NRXN1: variants seen among roughly 807,000 people sequenced by gnomAD.
NRXN1 encodes neurexin 1, also known as neurexin-1.
NRXN1 carries 39 observed loss-of-function variants against 150.9 expected under a neutral mutation model. That is an observed-to-expected ratio of 0.26 (90% confidence interval 0.20 to 0.34). The LOEUF is 0.34. Ranked by LOEUF, NRXN1 falls within the 10% of genes least tolerant of loss-of-function variation. The probability of loss-of-function intolerance (pLI) is 1.00; values close to 1 mark genes in which losing one functional copy is unlikely to be tolerated. For missense variants in NRXN1, 1,815 were observed against 1,949.9 expected (o/e 0.93, Z 1.30); for synonymous variants, 924 against 757.0 (o/e 1.22, Z -3.62).
rs772333323 is a variant in NRXN1 at position 51,027,716 on chromosome 2, G to C, written c.558C>G (p.Asp186Glu). 1.2e-5 allele frequency: 19 copies of C among 1,609,348 alleles called. No homozygotes were observed. The African/African-American group carries it at 2.5e-4, about 22-fold the overall frequency. ...GGACCTGCGAGGAGTTGACCCTCAC[G>C]TCACGAATCCACCCCTTGAAGGGCT... ...EREPFKGWIR[D>E]VRVNSSQVLP... Residue 186 changes from aspartate to glutamate, a missense_variant, in exon 2 of 23, where the codon GAC becomes GAG. By Grantham distance (45) the Asp-to-Glu change is conservative. Coordinates refer to ENST00000401669, the MANE Select transcript of NRXN1 (RefSeq NM_001330078.2).
chr2:50,493,770 G>A (rs1229660014), intron 15 of NRXN1, among the ~76,000 whole-genome samples: 1 of 152,182 alleles, frequency 6.6e-6, no homozygotes, highest in African/African-American at 2.4e-5. Context: ...TTTCTGCAAT[G>A]CAGAAGGTAT....
chr2:50,032,257 T>A (rs769427264), intron 21 of NRXN1, among the ~76,000 whole-genome samples: 3 of 152,044 alleles, frequency 2.0e-5, no homozygotes, highest in Non-Finnish European at 4.4e-5. Flanking sequence ...ATTCCCTACA[T>A]AAACTAGAAC....
chr2:50,012,195 T>G (rs1405504996), intron 21 of NRXN1, among the ~76,000 whole-genome samples: 1 of 152,110 alleles, frequency 6.6e-6, no homozygotes, highest in African/African-American at 2.4e-5. Context: ...AAACCATCCA[T>G]GTCTTGATCA....
intron 17 of NRXN1, among the ~76,000 whole-genome samples, chr2:50,365,317 A>G (rs1572694216): frequency 1.3e-5 from 2 of 152,192 alleles, no homozygotes; most frequent in South Asian, 2.1e-4. Flanking sequence ...CTGAAATGTC[A>G]TGTGAAAATC....
At chr2:50,622,378 G>A (rs547969987) in intron 6 of NRXN1, among the ~76,000 whole-genome samples, 156 of 152,216 alleles carry the variant, frequency 1.0e-3, no homozygotes, top group South Asian at 2.7e-3. Context: ...GAGACAATCC[G>A]GTCATTCTGC....
At chr2:50,541,412 G>C (rs1027386025) in intron 9 of NRXN1, among the ~76,000 whole-genome samples, 2 of 152,188 alleles carry the variant, frequency 1.3e-5, no homozygotes, top group African/African-American at 4.8e-5. Flanking sequence ...CTCACTCTAA[G>C]GGGCAAAACG....
chr2:50,665,978 C>T (rs538954767), intron 5 of NRXN1, among the ~76,000 whole-genome samples: 1 of 151,890 alleles, frequency 6.6e-6, no homozygotes, highest in African/African-American at 2.4e-5. Context: ...ATCTATGAAA[C>T]TGCAAAATAA....
At chr2:49,948,179 G>A (rs1034476654) in intron 21 of NRXN1, among the ~76,000 whole-genome samples, 3 of 152,056 alleles carry the variant, frequency 2.0e-5, no homozygotes, top group Non-Finnish European at 4.4e-5. Context: ...ACAACTGTGT[G>A]ACTCAGTGGG....
At chr2:50,566,445 G>T (rs1669865483) in intron 8 of NRXN1, among the ~76,000 whole-genome samples, 2 of 143,950 alleles carry the variant, frequency 1.4e-5, no homozygotes, top group Admixed American at 1.4e-4. Flanking sequence ...AATAGATACA[G>T]GGTTTCGCTA....
At chr2:50,760,319 A>T (rs774602414) in intron 5 of NRXN1, among the ~76,000 whole-genome samples, 2 of 151,886 alleles carry the variant, frequency 1.3e-5, no homozygotes, top group South Asian at 2.1e-4. Context: ...TTTATGGCAC[A>T]TGGAAAGGCG....
chr2:50,627,133 C>A (rs1409159979), intron 5 of NRXN1, among the ~76,000 whole-genome samples: 1 of 151,764 alleles, frequency 6.6e-6, no homozygotes, highest in Non-Finnish European at 1.5e-5. Flanking sequence ...TTATATACTG[C>A]TGATGCTGAT....
chr2:50,273,627 C>T (rs1240175558), intron 17 of NRXN1, among the ~76,000 whole-genome samples: 2 of 152,010 alleles, frequency 1.3e-5, no homozygotes, highest in Non-Finnish European at 2.9e-5. Flanking sequence ...GAAAACCTGA[C>T]ATAGGAAGGG....
chr2:50,447,737 T>TTTTTTATATATATATATATATA (rs1208594855), intron 17 of NRXN1, among the ~76,000 whole-genome samples: 2 of 37,932 alleles, frequency 5.3e-5, no homozygotes, highest in Admixed American at 3.4e-4. Flanking sequence ...CAGGGGAACG[T>TTTTTTATATATATATATATATA]TATATATATA....
At chr2:50,322,327 G>A (rs13415305) in intron 17 of NRXN1, among the ~76,000 whole-genome samples, 11,261 of 152,180 alleles carry the variant, frequency 0.074, 538 homozygotes, top group Non-Finnish European at 0.1. Context: ...GTGCTGTTGT[G>A]GGGTATGAGC....
intron 17 of NRXN1, among the ~76,000 whole-genome samples, chr2:50,345,355 C>T (rs1575162877): frequency 2.6e-5 from 4 of 152,252 alleles, no homozygotes; most frequent in South Asian, 2.1e-4. Flanking sequence ...CCCACCCCAC[C>T]CTGCATCCAT....
At chr2:50,197,855 G>T (rs544806026) in intron 18 of NRXN1, among the ~76,000 whole-genome samples, 6 of 152,202 alleles carry the variant, frequency 3.9e-5, no homozygotes, top group African/African-American at 1.4e-4. Flanking sequence ...ATAAGAGAAT[G>T]AACATATTTT....
intron 5 of NRXN1, among the ~76,000 whole-genome samples, chr2:50,767,593 T>C (rs1487881347): frequency 2.0e-5 from 3 of 152,086 alleles, no homozygotes; most frequent in African/African-American, 7.2e-5. Context: ...ACAGTTCCTG[T>C]CCTTGAGAAG....
intron 5 of NRXN1, among the ~76,000 whole-genome samples, chr2:50,761,972 C>T (rs994611977): frequency 3.3e-5 from 5 of 151,826 alleles, no homozygotes; most frequent in South Asian, 2.1e-4. Flanking sequence ...ACAGAATGAA[C>T]GTTGCACTGT....
At chr2:50,497,804 C>A in intron 13 of NRXN1, 90 bp from the exon 14 acceptor site, 2 of 1,249,720 alleles carry the variant, frequency 1.6e-6, no homozygotes, top group South Asian at 3.0e-5. Flanking sequence ...TTCTAAAATA[C>A]AAGGAGCCAA....
Sources: allele counts gnomAD v4.1 joint callset (sites outside exome capture counted in the v4.1 genomes callset), GRCh38; gene constraint gnomAD v4.1.1; transcripts MANE v1.5; gene names NCBI Gene and HGNC (gene_info 2026-07-23, HGNC 2026-07-21).